LASP1: variants seen among roughly 807,000 people sequenced by gnomAD.
The protein encoded by LASP1 is LIM and SH3 domain protein 1.
Under a neutral mutation model 38.6 loss-of-function variants are expected in LASP1, and 10 were observed. That is an observed-to-expected ratio of 0.26 (90% CI 0.16 to 0.44). The LOEUF is 0.44. LASP1 is among the 20% of genes least tolerant of loss of function. The pLI is 1.00. For synonymous variants in LASP1, 132 were observed against 140.8 expected (o/e 0.94, Z 0.44); for missense variants, 243 against 375.7 (o/e 0.65, Z 2.92).
intron 2 of LASP1, among the ~76,000 whole-genome samples, chr17:38,888,325 C>T (rs55994648): frequency 2.6e-5 from 4 of 151,290 alleles, no homozygotes; most frequent in African/African-American, 7.3e-5. Context: ...CTCGCCCAGA[C>T]TAGAGTACAG....
At chr17:38,886,651 C>T (rs888464149) in intron 2 of LASP1, among the ~76,000 whole-genome samples, 38 of 152,014 alleles carry the variant, frequency 2.5e-4, no homozygotes, top group African/African-American at 8.7e-4. Flanking sequence ...GAGGGGCTCC[C>T]GAGACCGTCT....
chr17:38,919,035 G>GGCGAGGCC lies in LASP1; in HGVS notation c.*257_*258insGCGAGGCC. On this transcript the variant is annotated 3_prime_UTR_variant, in exon 7 of 7. Coordinates refer to ENST00000318008, the MANE Select transcript of LASP1 (RefSeq NM_006148.4). ...ACGGGCATGGGCCTCTCTGGGGGAG[G>GGCGAGGCC]CAGGGCTGGAATGGGAGACCTGTTG... 3.7e-6 allele frequency: 2 copies of GGCGAGGCC among 536,378 alleles called. No individual in the cohort carries two copies. The highest frequency in any genetic ancestry group is 3.4e-6 in the Non-Finnish European group (1 of 297,870). 33.2% of individuals were successfully genotyped at this position (536,378 alleles called of 1,614,324 possible). A position where few individuals can be genotyped will look rare whatever the true frequency, so the allele number is the denominator to read the frequency against.
At chr17:38,904,420 C>T (rs1914723642) in intron 4 of LASP1, 1 of 152,056 alleles carries the variant, frequency 6.6e-6, no homozygotes, top group African/African-American at 2.4e-5. Flanking sequence ...TGGTGAAACC[C>T]TGTCTCTACT....
chr17:38,871,272 G>A (rs1598101037), intron 1 of LASP1, among the ~76,000 whole-genome samples: 1 of 152,028 alleles, frequency 6.6e-6, no homozygotes, highest in African/African-American at 2.4e-5. Context: ...AGAACTGGGT[G>A]TTTCCCGTAC....
At chr17:38,879,009 C>T (rs1913862279) in intron 2 of LASP1, among the ~76,000 whole-genome samples, 1 of 152,026 alleles carries the variant, frequency 6.6e-6, no homozygotes, top group Admixed American at 6.6e-5. Flanking sequence ...GAAAGTACAG[C>T]AATTTTCCAT....
At chr17:38,904,737 C>T (rs1413089992) in intron 4 of LASP1, 1 of 152,122 alleles carries the variant, frequency 6.6e-6, no homozygotes, top group Non-Finnish European at 1.5e-5. Context: ...TTGCTGCAGG[C>T]AGAAATGCTT....
At chr17:38,879,291 G>C (rs760485256) in intron 2 of LASP1, among the ~76,000 whole-genome samples, 1 of 150,950 alleles carries the variant, frequency 6.6e-6, no homozygotes, top group East Asian at 2.0e-4. Flanking sequence ...GAGTAGCTGG[G>C]ATTACAGATG....
At chr17:38,879,926 A>G (rs226214) in intron 2 of LASP1, among the ~76,000 whole-genome samples, 105,919 of 152,028 alleles carry the variant, frequency 0.7, 37,305 homozygotes, top group East Asian at 0.95. Context: ...TATCTGGGTA[A>G]AGGAAGGGTT....
intron 1 of LASP1, among the ~76,000 whole-genome samples, chr17:38,871,575 GT>G (rs1266331142): frequency 6.6e-6 from 1 of 152,118 alleles, no homozygotes; most frequent in Non-Finnish European, 1.5e-5. Context: ...CTGGAGCCAG[GT>G]TTTGTTCAGG....
intron 3 of LASP1, among the ~76,000 whole-genome samples, chr17:38,896,684 ACTGT>A (rs1335171617): frequency 6.6e-6 from 1 of 152,202 alleles, no homozygotes; most frequent in Non-Finnish European, 1.5e-5. Context: ...CTTTAGAGCC[ACTGT>A]CTGTATCGTG....
intron 2 of LASP1, 22 bp downstream of exon 2, chr17:38,878,202 G>T: frequency 6.5e-7 from 1 of 1,548,342 alleles, no homozygotes; most frequent in African/African-American, 1.4e-5. Flanking sequence ...TCTGGGCAGG[G>T]GGCTGGGTGG....
At chr17:38,873,432 C>T (rs754127366) in intron 1 of LASP1, among the ~76,000 whole-genome samples, 2 of 152,220 alleles carry the variant, frequency 1.3e-5, no homozygotes, top group South Asian at 2.1e-4. Flanking sequence ...AATGGAGGCT[C>T]AGGTAGCCCA....
chr17:38,906,267 C>T (rs1914774212), intron 4 of LASP1, among the ~76,000 whole-genome samples: 1 of 151,906 alleles, frequency 6.6e-6, no homozygotes, highest in South Asian at 2.1e-4. Context: ...GTGGCTCAGG[C>T]CTGTAATCCC....
rs1035287022 is a variant in LASP1 at position 38,919,574 on chromosome 17, T to C, written c.*796T>C. On this transcript the variant is annotated 3_prime_UTR_variant, in exon 7 of 7. Coordinates refer to ENST00000318008, the MANE Select transcript of LASP1 (RefSeq NM_006148.4). ...CCCCTTTCCCCACGCCCACCCCCAG[T>C]CTCCAGGGACCCTTGCCTGCCTCCT... 4.4e-5 allele frequency: 11 copies of C among 248,868 alleles called. No individual in the cohort carries two copies. The highest frequency in any genetic ancestry group is 2.2e-4 in the African/African-American group (10 of 45,978). The allele number at this position is 248,868 out of a possible 1,614,324, so 15.4% of individuals were successfully genotyped here. A position where few individuals can be genotyped will look rare whatever the true frequency, so the allele number is the denominator to read the frequency against.
At chr17:38,917,682 T>C (rs1915172016) in intron 6 of LASP1, among the ~76,000 whole-genome samples, 1 of 151,734 alleles carries the variant, frequency 6.6e-6, no homozygotes, top group Non-Finnish European at 1.5e-5. Flanking sequence ...ATGTTTTTTC[T>C]GTTTTTTTTT....
intron 2 of LASP1, among the ~76,000 whole-genome samples, chr17:38,887,095 T>C (rs564961960): frequency 1.5e-3 from 221 of 152,148 alleles, no homozygotes; most frequent in South Asian, 3.3e-3. Context: ...GCAGACCGGG[T>C]CTGGAGGATG....
chr17:38,891,374 C>T (rs1914318922), intron 3 of LASP1, among the ~76,000 whole-genome samples: 1 of 152,170 alleles, frequency 6.6e-6, no homozygotes, highest in African/African-American at 2.4e-5. Flanking sequence ...GGGACTCCTG[C>T]TGCCTGATCT....
At chr17:38,915,322 T>A in intron 6 of LASP1, 176 bp downstream of exon 6, 1 of 562,634 alleles carries the variant, frequency 1.8e-6, no homozygotes, top group East Asian at 3.1e-5. Flanking sequence ...AGAGGCTGGC[T>A]GGGACTGGGG....
intron 1 of LASP1, 118 bp from the exon 2 acceptor site, chr17:38,877,967 TC>T: frequency 1.4e-6 from 1 of 696,504 alleles, no homozygotes; most frequent in South Asian, 1.9e-5. Context: ...TTCCATGTTC[TC>T]CCCACAGCCA....
Sources: gnomAD v4.1 joint callset for allele counts (sites outside exome capture counted in the v4.1 genomes callset) on GRCh38, gnomAD v4.1.1 for gene constraint, MANE v1.5 for transcripts, NCBI Gene and HGNC (gene_info 2026-07-23, HGNC 2026-07-21) for gene names.